FAM110B: variants seen among roughly 807,000 people sequenced by gnomAD.
The protein encoded by FAM110B is protein FAM110B.
A neutral mutation model predicts 20.4 loss-of-function variants in FAM110B; 6 were observed. The observed-to-expected ratio is 0.29, with a 90% confidence interval of 0.16 to 0.58. The LOEUF is 0.58. FAM110B is among the 20% of genes least tolerant of loss of function. The pLI, the probability that FAM110B is intolerant of heterozygous loss-of-function variation, is 0.90. For synonymous variants in FAM110B, 226 were observed against 214.1 expected, an observed-to-expected ratio of 1.06 and a Z score of -0.49; for missense variants, 434 against 498.2, an observed-to-expected ratio of 0.87 and a Z score of 1.23.
chr8:58,105,188 G>A (rs1806877743), intron 3 of FAM110B, among the ~76,000 whole-genome samples: 1 of 151,988 alleles, frequency 6.6e-6, no homozygotes, highest in Non-Finnish European at 1.5e-5. Context: ...GTTACCTAAG[G>A]TTTGAGAACA....
intron 2 of FAM110B, among the ~76,000 whole-genome samples, chr8:58,063,621 T>G (rs1216849494): frequency 1.3e-5 from 2 of 152,216 alleles, no homozygotes. Flanking sequence ...ATCATGTTGG[T>G]GCTCAAAAAG....
intron 3 of FAM110B, among the ~76,000 whole-genome samples, chr8:58,084,023 C>G (rs1806268506): frequency 6.6e-6 from 1 of 152,122 alleles, no homozygotes; most frequent in Non-Finnish European, 1.5e-5. Flanking sequence ...GAGAATCCAC[C>G]ACAGAACTGT....
intron 3 of FAM110B, among the ~76,000 whole-genome samples, chr8:58,121,941 T>G (rs2150627624): frequency 6.6e-6 from 1 of 152,306 alleles, no homozygotes; most frequent in Middle Eastern, 3.4e-3. Context: ...TGGAATCCCC[T>G]CTTTTCTTGG....
intron 3 of FAM110B, among the ~76,000 whole-genome samples, chr8:58,103,222 G>A (rs528890915): frequency 5.3e-5 from 8 of 152,006 alleles, no homozygotes; most frequent in African/African-American, 1.7e-4. Flanking sequence ...TGCACAGTGT[G>A]CAGGTTAGTT....
chr8:58,138,122 A>G (rs750938098), intron 3 of FAM110B, among the ~76,000 whole-genome samples: 7 of 152,222 alleles, frequency 4.6e-5, no homozygotes, highest in South Asian at 2.1e-4. Context: ...CGGAAGTGAC[A>G]AGGTTTCTCT....
intron 1 of FAM110B, among the ~76,000 whole-genome samples, chr8:58,027,582 C>G (rs535948300): frequency 2.0e-5 from 3 of 152,118 alleles, no homozygotes; most frequent in Non-Finnish European, 4.4e-5. Context: ...CGTGTTCTGT[C>G]GGGCGTCTTT....
intron 3 of FAM110B, among the ~76,000 whole-genome samples, chr8:58,098,583 C>G (rs752125812): frequency 6.6e-6 from 1 of 152,162 alleles, no homozygotes; most frequent in Non-Finnish European, 1.5e-5. Flanking sequence ...CCAGGCACCA[C>G]TGGGGTATGA....
chr8:58,115,007 GTT>G (rs67361448), intron 3 of FAM110B, among the ~76,000 whole-genome samples: 4,370 of 144,256 alleles, frequency 0.03, 210 homozygotes, highest in African/African-American at 0.1. Flanking sequence ...TTGGAAAGTT[GTT>G]TTTTTTTTTT....
At chr8:58,077,423 G>A (rs958033591) in intron 3 of FAM110B, among the ~76,000 whole-genome samples, 1 of 152,166 alleles carries the variant, frequency 6.6e-6, no homozygotes, top group Non-Finnish European at 1.5e-5. Flanking sequence ...ATGTGGCTGC[G>A]TGATGATCTG....
At chr8:58,030,087 A>G (rs1563502050) in intron 1 of FAM110B, among the ~76,000 whole-genome samples, 3 of 152,244 alleles carry the variant, frequency 2.0e-5, no homozygotes, top group African/African-American at 4.8e-5. Context: ...GCTTTGTTAT[A>G]TGGGTCACAA....
At chr8:58,037,822 G>A (rs187016014) in intron 2 of FAM110B, among the ~76,000 whole-genome samples, 1 of 152,208 alleles carries the variant, frequency 6.6e-6, no homozygotes, top group African/African-American at 2.4e-5. Context: ...GAAAACAGCC[G>A]TTACTTTTCT....
chr8:58,012,391 G>A (rs540096977), intron 1 of FAM110B, among the ~76,000 whole-genome samples: 61 of 152,186 alleles, frequency 4.0e-4, no homozygotes, highest in Non-Finnish European at 6.9e-4. Flanking sequence ...CGAGAAGATG[G>A]AAGTTATTTT....
intron 3 of FAM110B, among the ~76,000 whole-genome samples, chr8:58,104,730 A>G (rs988473525): frequency 1.3e-5 from 2 of 152,170 alleles, no homozygotes; most frequent in Non-Finnish European, 2.9e-5. Flanking sequence ...TATGAATACA[A>G]CCAATCAGAA....
chr8:58,090,191 G>T (rs72660392), intron 3 of FAM110B, among the ~76,000 whole-genome samples: 14,981 of 152,168 alleles, frequency 0.098, 924 homozygotes, highest in Middle Eastern at 0.14. Flanking sequence ...ACAAAGTCTC[G>T]CTGTGTTACC....
At chr8:58,119,312 G>C (rs1239651179) in intron 3 of FAM110B, among the ~76,000 whole-genome samples, 1 of 152,252 alleles carries the variant, frequency 6.6e-6, no homozygotes, top group Non-Finnish European at 1.5e-5. Context: ...GGCACCAGCA[G>C]ATTTGGTGTC....
intron 3 of FAM110B, among the ~76,000 whole-genome samples, chr8:58,108,787 G>T (rs1806982492): frequency 6.6e-6 from 1 of 152,150 alleles, no homozygotes; most frequent in Admixed American, 6.6e-5. Flanking sequence ...ACTTTTCCAT[G>T]TTGTGAACCA....
Position 58,054,750 on chromosome 8 carries a change from G to A in FAM110B, c.-413-20785G>A, listed in dbSNP as rs1424666995. On this transcript the variant is annotated intron_variant, in intron 2 of 3. Coordinates refer to ENST00000519262, the MANE Select transcript of FAM110B (RefSeq NM_001377989.1). ...TGTAAGAGTTGATGGCGGGAGTGGG[G>A]AGAACCATGTCCCTCTAAAGCAAAA... Among the ~76,000 whole-genome samples, 5 of 152,122 alleles carry A rather than the reference G, an allele frequency of 3.3e-5. No individual in the cohort carries two copies. In the East Asian group the frequency reaches 9.7e-4, roughly 29 times the overall value.
At chr8:58,082,657 G>A (rs900872009) in intron 3 of FAM110B, among the ~76,000 whole-genome samples, 1 of 152,064 alleles carries the variant, frequency 6.6e-6, no homozygotes, top group Non-Finnish European at 1.5e-5. Flanking sequence ...ATCGAGCACA[G>A]AATATAGCAA....
At chr8:58,053,235 A>G (rs1467703606) in intron 2 of FAM110B, among the ~76,000 whole-genome samples, 1 of 152,194 alleles carries the variant, frequency 6.6e-6, no homozygotes, top group Non-Finnish European at 1.5e-5. Flanking sequence ...CTACAGACAT[A>G]GATTGCAAGG....
Sources: gnomAD v4.1 joint callset for allele counts (sites outside exome capture counted in the v4.1 genomes callset) on GRCh38, gnomAD v4.1.1 for gene constraint, MANE v1.5 for transcripts, NCBI Gene and HGNC (gene_info 2026-07-23, HGNC 2026-07-21) for gene names.